Variants in PDE9A observed in about 807,000 individuals in gnomAD.
PDE9A encodes high affinity cGMP-specific 3',5'-cyclic phosphodiesterase 9A.
PDE9A carries 60 observed loss-of-function variants against 87.4 expected under a neutral mutation model. That is an observed-to-expected ratio of 0.69 (90% CI 0.56 to 0.85). The LOEUF is 0.85. PDE9A is among the 40% of genes least tolerant of loss of function. The pLI, the probability that PDE9A is intolerant of heterozygous loss-of-function variation, is 0.00. For synonymous variants in PDE9A, 272 were observed against 279.4 expected (o/e 0.97, Z 0.27); for missense variants, 665 against 779.0 (o/e 0.85, Z 1.74).
At chr21:42,713,959 A>T (rs967804742) in intron 4 of PDE9A, among the ~76,000 whole-genome samples, 7 of 145,574 alleles carry the variant, frequency 4.8e-5, no homozygotes, top group African/African-American at 1.8e-4. Context: ...GGAGTGCATG[A>T]CCATGGGAAA....
At chr21:42,670,302 TACAC>T (rs2058394748) in intron 1 of PDE9A, among the ~76,000 whole-genome samples, 1 of 139,582 alleles carries the variant, frequency 7.2e-6, no homozygotes, top group African/African-American at 3.1e-5. Flanking sequence ...TTCACACACA[TACAC>T]TTAGACACCA....
chr21:42,702,201 G>A lies in PDE9A; in HGVS notation c.262+3190G>A, dbSNP rs1168772779. ...CTTTATTTTTCTTAGACTTTTCCGT[G>A]ACGTCTTCCATTGCACTGGTCTTCC... On this transcript the variant is annotated intron_variant, in intron 4 of 19. Transcript: ENST00000291539. This position sits in a 1 kb window ranked among gnomAD's most constrained non-coding sequence, Gnocchi z 4.9. Among the ~76,000 whole-genome samples the A allele has an allele frequency of 2.7e-5, 4 of 149,266 alleles. No individual in the cohort carries two copies. Among genetic ancestry groups the A allele is most frequent in the Non-Finnish European group, 6.0e-5 (4 of 66,734 alleles).
chr21:42,726,478 A>G (rs2146646884), intron 4 of PDE9A, among the ~76,000 whole-genome samples: 1 of 150,830 alleles, frequency 6.6e-6, no homozygotes, highest in South Asian at 2.1e-4. Context: ...TGATTTTTAT[A>G]TAAACTGAAT....
chr21:42,772,583 G>A (rs1207851834), intron 19 of PDE9A, 63 bp downstream of exon 19: 9 of 1,152,130 alleles, frequency 7.8e-6, no homozygotes, highest in Non-Finnish European at 8.9e-6. Flanking sequence ...AAGGACAGAA[G>A]GAAAGAGGAA....
chr21:42,659,679 C>T lies in PDE9A; in HGVS notation c.69+5796C>T, dbSNP rs1158471235. Reference sequence around the variant, plus strand: ...CCTTCCTGTCACTTGTCTTGTCACTCCCCGAGTCCACTGTGAGCTAGAACC... The same window carrying T: ...CCTTCCTGTCACTTGTCTTGTCACTTCCCGAGTCCACTGTGAGCTAGAACC... On this transcript the variant is annotated intron_variant, in intron 1 of 19. Coordinates refer to ENST00000291539, the MANE Select transcript of PDE9A (RefSeq NM_002606.3). The surrounding 1 kb of genome is among the most constrained non-coding windows in gnomAD (Gnocchi z 4.1). Among the ~76,000 whole-genome samples the T allele has an allele frequency of 6.6e-6, 1 of 152,196 alleles. No individual in the cohort carries two copies. The highest frequency in any genetic ancestry group is 1.5e-5 in the Non-Finnish European group (1 of 68,038).
intron 4 of PDE9A, chr21:42,724,635 G>A (rs1009390930): frequency 3.9e-5 from 38 of 976,880 alleles, no homozygotes; most frequent in Non-Finnish European, 4.5e-5. Context: ...TTCCATCGGT[G>A]TAAGTACCAC....
At chr21:42,716,608 G>A (rs952016542) in intron 4 of PDE9A, among the ~76,000 whole-genome samples, 3 of 151,116 alleles carry the variant, frequency 2.0e-5, no homozygotes, top group African/African-American at 7.3e-5. Context: ...AATTAATACT[G>A]TACCGCCTCA....
intron 1 of PDE9A, among the ~76,000 whole-genome samples, chr21:42,684,435 A>C (rs1361973049): frequency 6.6e-6 from 1 of 152,232 alleles, no homozygotes; most frequent in Non-Finnish European, 1.5e-5. Context: ...CCACGGGCAT[A>C]GCCTGGGAGG....
intron 16 of PDE9A, 166 bp from the exon 17 acceptor site, chr21:42,768,861 A>C: frequency 1.0e-6 from 1 of 985,198 alleles, no homozygotes; most frequent in Non-Finnish European, 1.2e-6. Flanking sequence ...AGCTCTGTTT[A>C]GCACTGAAGA....
At chr21:42,669,291 G>A (rs2058248308) in intron 1 of PDE9A, among the ~76,000 whole-genome samples, 1 of 152,066 alleles carries the variant, frequency 6.6e-6, no homozygotes, top group South Asian at 2.1e-4. Flanking sequence ...GCTGCTGGTG[G>A]CTGCCAGCAG....
At chr21:42,769,675 C>CACACACACATGCACACCGGT (rs2056828380) in intron 17 of PDE9A, among the ~76,000 whole-genome samples, 2 of 145,766 alleles carry the variant, frequency 1.4e-5, no homozygotes, top group Non-Finnish European at 3.0e-5. Flanking sequence ...CACACAAATG[C>CACACACACATGCACACCGGT]ACACACAGGC....
chr21:42,670,406 AC>A (rs557880046), intron 1 of PDE9A, among the ~76,000 whole-genome samples: 24 of 108,598 alleles, frequency 2.2e-4, no homozygotes, highest in African/African-American at 1.5e-3. Flanking sequence ...AAACATTCAC[AC>A]ATACATTCAC....
intron 3 of PDE9A, among the ~76,000 whole-genome samples, chr21:42,698,720 GACA>G (rs2146318571): frequency 6.6e-6 from 1 of 152,264 alleles, no homozygotes; most frequent in East Asian, 1.9e-4. Flanking sequence ...TAGTACCCAT[GACA>G]ACATTTATTT....
chr21:42,688,549 A>G (rs2059606505), intron 3 of PDE9A, among the ~76,000 whole-genome samples: 1 of 152,180 alleles, frequency 6.6e-6, no homozygotes. Context: ...AAGGACGCGG[A>G]GCAGGGGCCC....
At position 42,772,492 on chromosome 21, in the gene PDE9A, G is replaced by C. The variant is rs2057112041; in HGVS notation, c.1740G>C (p.Glu580Asp). Residue 580 changes from glutamate (E) to aspartate (D), a missense_variant, in exon 19 of 20, where the codon GAG becomes GAC. Physicochemically the swap from Glu to Asp is conservative, Grantham distance 45. Transcript: ENST00000291539. The part of the protein sequence containing the change: ...LTSGATEKSR[E>D]RSRDVKNSEG... ...CTGGGGCCACCGAGAAGTCCAGAGA[G>C]AGAAGCAGAGATGTGAAAAACAGTG... 6.2e-7 allele frequency: 1 copy of C among 1,609,184 alleles called. No individual in the cohort carries two copies. Among genetic ancestry groups the C allele is most frequent in the Admixed American group, 1.7e-5 (1 of 59,448 alleles).
In PDE9A at chr21:42,660,568, A is replaced by G. The variant is rs1356278960; in HGVS notation, c.69+6685A>G. Reference sequence around the variant, plus strand: ...GTGCACCAGAATCTCAGAAATCACCACTAAAGAACTTACCCATGTAACCAA... The same window carrying G: ...GTGCACCAGAATCTCAGAAATCACCGCTAAAGAACTTACCCATGTAACCAA... On this transcript the variant is annotated intron_variant, in intron 1 of 19. Transcript: ENST00000291539. This position sits in a 1 kb window ranked among gnomAD's most constrained non-coding sequence, Gnocchi z 4.7. 2.0e-5 allele frequency among the ~76,000 whole-genome samples: 3 copies of G among 151,748 alleles called. No individual in the cohort carries two copies. Among genetic ancestry groups the G allele is most frequent in the Non-Finnish European group, 2.9e-5 (2 of 67,958 alleles).
rs1363026335 is a variant in PDE9A, at chr21:42,702,530, T to C, written c.262+3519T>C. On this transcript the variant is annotated intron_variant, in intron 4 of 19. Coordinates refer to ENST00000291539, the MANE Select transcript of PDE9A (RefSeq NM_002606.3). This position sits in a 1 kb window ranked among gnomAD's most constrained non-coding sequence, Gnocchi z 4.9. The stretch of plus-strand genomic sequence containing the variant: ...TTCTCGTGAATCTAGTAGATCTTGA[T>C]GGAATGCTGATCACAGGAATGCACG... Among the ~76,000 whole-genome samples the C allele has an allele frequency of 6.6e-6, 1 of 152,244 alleles. No individual in the cohort carries two copies. The highest frequency in any genetic ancestry group is 1.9e-4 in the East Asian group (1 of 5,204).
rs1056009001 is a variant in PDE9A at position 42,694,838 on chromosome 21, C to A, written c.219-4130C>A. Among the ~76,000 whole-genome samples, 1 of 152,190 alleles carries A rather than the reference C, an allele frequency of 6.6e-6. No individual in the cohort carries two copies. The highest frequency in any genetic ancestry group is 2.4e-5 in the African/African-American group (1 of 41,440). ...GTTGGCTACAGGACACTCTCCAGCC[C>A]CCCGCATTGGGATGTCTGGCCCCAA... On this transcript the variant is annotated intron_variant, in intron 3 of 19. Transcript: ENST00000291539. This position sits in a 1 kb window ranked among gnomAD's most constrained non-coding sequence, Gnocchi z 5.3.
At chr21:42,685,218 C>G (rs1184397720) in intron 1 of PDE9A, among the ~76,000 whole-genome samples, 1 of 152,366 alleles carries the variant, frequency 6.6e-6, no homozygotes, top group East Asian at 1.9e-4. Context: ...TACCCCCTCC[C>G]TGAGAGCCGA....
Sources: gnomAD v4.1 joint callset for allele counts (sites outside exome capture counted in the v4.1 genomes callset) on GRCh38, gnomAD v4.1.1 for gene constraint, Gnocchi (gnomAD v3.1) non-coding constraint, MANE v1.5 for transcripts, NCBI Gene and HGNC (gene_info 2026-07-23, HGNC 2026-07-21) for gene names.